The following TRAPPC8 variants were observed in gnomAD, a reference collection of about 807,000 sequenced individuals.
The protein encoded by TRAPPC8 is trafficking protein particle complex subunit 8, also known as general sporulation gene 1 homolog.
A neutral mutation model predicts 174.3 loss-of-function variants in TRAPPC8; 54 were observed. That is an observed-to-expected ratio of 0.31 (90% CI 0.25 to 0.39). TRAPPC8 has a LOEUF of 0.39. TRAPPC8 is among the 10% of genes least tolerant of loss of function. The pLI, the probability that TRAPPC8 is intolerant of heterozygous loss-of-function variation, is 1.00. For synonymous variants in TRAPPC8, 630 were observed against 579.9 expected, an observed-to-expected ratio of 1.09 and a Z score of -1.24; for missense variants, 1,531 against 1,699.1, an observed-to-expected ratio of 0.90 and a Z score of 1.74.
intron 2 of TRAPPC8, chr18:31,926,332 C>T (rs191524834): frequency 6.6e-6 from 1 of 152,188 alleles, no homozygotes; most frequent in Non-Finnish European, 1.5e-5. Context: ...AGAATATATG[C>T]AGTAACAATA....
intron 2 of TRAPPC8, among the ~76,000 whole-genome samples, chr18:31,927,430 A>G (rs1568146807): frequency 1.3e-5 from 2 of 151,856 alleles, no homozygotes; most frequent in Non-Finnish European, 2.9e-5. Flanking sequence ...CTAATTTTTG[A>G]ATTTTTAGTA....
chr18:31,888,601 G>C (rs1177177674), intron 12 of TRAPPC8, among the ~76,000 whole-genome samples: 1 of 152,212 alleles, frequency 6.6e-6, no homozygotes, highest in African/African-American at 2.4e-5. Flanking sequence ...AAAGGAAAGA[G>C]ATCATGTCCT....
chr18:31,898,092 C>T (rs1328444219), intron 10 of TRAPPC8, among the ~76,000 whole-genome samples: 1 of 152,116 alleles, frequency 6.6e-6, no homozygotes, highest in Non-Finnish European at 1.5e-5. Flanking sequence ...TTAACCCATA[C>T]ACATCCTCTT....
rs148103026 is a variant in TRAPPC8, at chr18:31,849,612, A to T, written c.3689T>A (p.Ile1230Asn). The T allele has an allele frequency of 6.2e-7, 1 of 1,611,156 alleles. No homozygotes were observed. The highest frequency in any genetic ancestry group is 8.5e-7 in the Non-Finnish European group (1 of 1,179,090). ...CAAATCTACCTCACTGCATTTTTGA[A>T]TCAATCTCACAGCATCCTCTGTTGA... ...KQSTEDAVRL[I>N]QKCSEVDLNI... The change falls in exon 25 of 29, where the codon ATT becomes AAT. Residue 1230 changes from isoleucine (I) to asparagine (N), a missense_variant. Physicochemically the swap from Ile to Asn is moderately radical, Grantham distance 149. Coordinates refer to ENST00000283351, the MANE Select transcript of TRAPPC8 (RefSeq NM_014939.5).
At chr18:31,841,494 A>ATT (rs1046129590) in intron 26 of TRAPPC8, among the ~76,000 whole-genome samples, 1 of 152,130 alleles carries the variant, frequency 6.6e-6, no homozygotes, top group African/African-American at 2.4e-5. Flanking sequence ...AGGTGGAAGT[A>ATT]TTTTTGCATG....
chr18:31,886,079 C>T (rs1174542598), intron 12 of TRAPPC8, among the ~76,000 whole-genome samples: 2 of 150,940 alleles, frequency 1.3e-5, no homozygotes, highest in African/African-American at 2.4e-5. Context: ...AATCTTGGGT[C>T]ACTGCAACCT....
At chr18:31,894,648 AAC>A (rs376946705) in intron 11 of TRAPPC8, among the ~76,000 whole-genome samples, 1 of 152,184 alleles carries the variant, frequency 6.6e-6, no homozygotes, top group Non-Finnish European at 1.5e-5. Flanking sequence ...TTTCAATAAA[AAC>A]ACAGTTGATA....
chr18:31,928,636 C>T (rs1392002742), intron 2 of TRAPPC8, among the ~76,000 whole-genome samples: 3 of 151,896 alleles, frequency 2.0e-5, no homozygotes, highest in South Asian at 2.1e-4. Context: ...TTTGGCATAC[C>T]AGGTATGCCA....
In TRAPPC8 at chr18:31,867,488, A is replaced by G. The variant is rs748655569; in HGVS notation, c.2389-12T>C. ...GGTTCACTTGTAACCTAAAAAATAA[A>G]TTTCATAAATTATACATTCCAATGA... On this transcript the variant is annotated splice_polypyrimidine_tract_variant and intron_variant, in intron 16 of 28. Coordinates refer to ENST00000283351, the MANE Select transcript of TRAPPC8 (RefSeq NM_014939.5). 1 of 1,547,822 alleles carries G rather than the reference A, an allele frequency of 6.5e-7. No individual in the cohort carries two copies. The highest frequency in any genetic ancestry group is 1.4e-5 in the African/African-American group (1 of 73,366).
At chr18:31,842,057 T>A (rs1031357017) in intron 26 of TRAPPC8, among the ~76,000 whole-genome samples, 3 of 152,060 alleles carry the variant, frequency 2.0e-5, no homozygotes, top group Admixed American at 6.6e-5. Context: ...TTAAGGAAAT[T>A]TAGATTGGTC....
chr18:31,940,991 G>A (rs140184404), intron 1 of TRAPPC8, among the ~76,000 whole-genome samples: 2 of 125,682 alleles, frequency 1.6e-5, no homozygotes, highest in Non-Finnish European at 3.7e-5. Flanking sequence ...ATGCTTCAAG[G>A]TCCTCAAATT....
In TRAPPC8 at chr18:31,900,967, T is replaced by C. The variant is rs1333384806; in HGVS notation, c.1448A>G (p.His483Arg). 3.1e-6 allele frequency: 5 copies of C among 1,594,380 alleles called. No individual in the cohort carries two copies. The highest frequency in any genetic ancestry group is 1.8e-5 in the Admixed American group (1 of 54,160). Residue 483 changes from histidine to arginine, a missense_variant, in exon 10 of 29, where the codon CAT (histidine) becomes CGT (arginine). By Grantham distance (29) the His-to-Arg change is conservative. Coordinates refer to ENST00000283351, the MANE Select transcript of TRAPPC8 (RefSeq NM_014939.5). ...TGTCTGAATTGCTGTATCCATGTAA[T>C]GAGCAGGATATGGCCTAGGTGCTCC... is the stretch of plus-strand genomic sequence containing the variant. ...QPGAPRPYPA[H>R]YMDTAIQTYR...
chr18:31,853,574 G>T (rs1223073059), intron 22 of TRAPPC8, among the ~76,000 whole-genome samples: 3 of 152,026 alleles, frequency 2.0e-5, no homozygotes, highest in Non-Finnish European at 4.4e-5. Context: ...AGTCCTGGTT[G>T]AATTTTTGAC....
intron 16 of TRAPPC8, among the ~76,000 whole-genome samples, chr18:31,868,890 T>C (rs996027668): frequency 6.6e-6 from 1 of 151,920 alleles, no homozygotes. Flanking sequence ...TTTGTAGAGA[T>C]GGGGGTCTCA....
At chr18:31,841,911 T>C (rs1224238426) in intron 26 of TRAPPC8, among the ~76,000 whole-genome samples, 2 of 152,226 alleles carry the variant, frequency 1.3e-5, no homozygotes, top group Non-Finnish European at 2.9e-5. Context: ...TCAGACTTGT[T>C]TTCTTTAAGA....
chr18:31,893,321 T>C (rs2036040526), intron 11 of TRAPPC8, among the ~76,000 whole-genome samples: 1 of 152,226 alleles, frequency 6.6e-6, no homozygotes, highest in East Asian at 1.9e-4. Context: ...TACATCAAAC[T>C]AAGAAAGGAT....
At chr18:31,897,666 CCAAAGA>C (rs1303437055) in intron 11 of TRAPPC8, 114 bp downstream of exon 11, 2 of 657,766 alleles carry the variant, frequency 3.0e-6, no homozygotes, top group Non-Finnish European at 4.5e-6. Flanking sequence ...TTGTAAATTC[CCAAAGA>C]CAGATTTCCC....
chr18:31,895,208 G>C (rs1243140178), intron 11 of TRAPPC8, among the ~76,000 whole-genome samples: 1 of 152,114 alleles, frequency 6.6e-6, no homozygotes, highest in Non-Finnish European at 1.5e-5. Flanking sequence ...CAATTCTCCA[G>C]CTTCAAAACC....
At position 31,916,262 on chromosome 18, in the gene TRAPPC8, A is replaced by G. The variant is rs1229297644; in HGVS notation, c.617+10T>C. On this transcript the variant is annotated intron_variant, in intron 4 of 28. Transcript: ENST00000283351. ...ACTGGAAAAAATTTAAAACTAAAAT[A>G]AAAACTTACCTCTGTTCATCTCCTG... 7.6e-6 allele frequency: 11 copies of G among 1,452,158 alleles called. No homozygotes were observed. The highest frequency in any genetic ancestry group is 9.1e-7 in the Non-Finnish European group (1 of 1,099,042). The allele number at this position is 1,452,158 out of a possible 1,614,324, so 90.0% of individuals were successfully genotyped here.
Sources: allele counts gnomAD v4.1 joint callset (sites outside exome capture counted in the v4.1 genomes callset), GRCh38; gene constraint gnomAD v4.1.1; transcripts MANE v1.5; gene names NCBI Gene and HGNC (gene_info 2026-07-23, HGNC 2026-07-21).